EGFLAM: variants seen among roughly 807,000 people sequenced by gnomAD.
EGFLAM encodes the protein pikachurin.
A neutral mutation model predicts 113.1 loss-of-function variants in EGFLAM; 79 were observed. The observed-to-expected ratio is 0.70, with a 90% CI of 0.58 to 0.84. The LOEUF (loss-of-function observed/expected upper bound fraction) is 0.84. Among genes scored for constraint, EGFLAM ranks in the 40% least tolerant of loss-of-function variants. The probability of loss-of-function intolerance (pLI) is 0.00; values close to 1 mark genes in which losing one functional copy is unlikely to be tolerated. For synonymous variants in EGFLAM, 504 were observed against 487.6 expected (o/e 1.03, Z -0.44); for missense variants, 1,265 against 1,291.6 (o/e 0.98, Z 0.32).
chr5:38,421,795 A>T (rs1265780926), intron 12 of EGFLAM, among the ~76,000 whole-genome samples: 1 of 151,960 alleles, frequency 6.6e-6, no homozygotes, highest in Non-Finnish European at 1.5e-5. Flanking sequence ...CAAGAGTAGG[A>T]GTGAAAATGT....
At chr5:38,402,717 T>G (rs1313690170) in intron 6 of EGFLAM, among the ~76,000 whole-genome samples, 1 of 152,214 alleles carries the variant, frequency 6.6e-6, no homozygotes, top group Non-Finnish European at 1.5e-5. Flanking sequence ...TATATCATGT[T>G]AAGCACCCAA....
Position 38,350,453 on chromosome 5 carries a change from A to G in EGFLAM, c.292-48A>G, listed in dbSNP as rs778413978. On this transcript the variant is annotated intron_variant, in intron 3 of 21. Transcript: ENST00000322350. ...CTCATGGAAATTGTACAATTTGCCC[A>G]AACAGATGTACTGATTGTTAGCATC... The G allele has an allele frequency of 1.9e-6, 3 of 1,573,434 alleles. No individual in the cohort carries two copies. The Admixed American group carries it at 5.2e-5, about 27-fold the overall frequency.
intron 3 of EGFLAM, among the ~76,000 whole-genome samples, chr5:38,342,737 T>A (rs1215666207): frequency 6.6e-6 from 1 of 152,216 alleles, no homozygotes; most frequent in African/African-American, 2.4e-5. Context: ...TGGTGGTCTT[T>A]ACACTTTTTG....
intron 1 of EGFLAM, among the ~76,000 whole-genome samples, chr5:38,308,712 T>C (rs1376252860): frequency 2.0e-5 from 3 of 152,126 alleles, no homozygotes; most frequent in Admixed American, 6.5e-5. Flanking sequence ...GGGAAAGAGA[T>C]AGAGGTCAGA....
intron 1 of EGFLAM, among the ~76,000 whole-genome samples, chr5:38,259,150 T>C (rs1186344815): frequency 6.6e-6 from 1 of 152,238 alleles, no homozygotes; most frequent in African/African-American, 2.4e-5. Context: ...TCGTGCTGTC[T>C]CAATTACAGA....
chr5:38,413,993 G>A (rs1037858538), intron 11 of EGFLAM, among the ~76,000 whole-genome samples: 2 of 152,130 alleles, frequency 1.3e-5, no homozygotes, highest in Non-Finnish European at 2.9e-5. Context: ...GAGCTCAGGC[G>A]GAGATGCTCG....
intron 1 of EGFLAM, chr5:38,290,946 G>A (rs998432518): frequency 6.6e-6 from 1 of 152,340 alleles, no homozygotes; most frequent in Non-Finnish European, 1.5e-5. Flanking sequence ...GCCGGGCGTG[G>A]TGGCGGCAGT....
At chr5:38,356,279 A>G (rs1441230327) in intron 5 of EGFLAM, among the ~76,000 whole-genome samples, 1 of 152,196 alleles carries the variant, frequency 6.6e-6, no homozygotes, top group Non-Finnish European at 1.5e-5. Flanking sequence ...CTTCCAGAAT[A>G]TGTGACTTCA....
chr5:38,434,054 T>A (rs1224063303), intron 15 of EGFLAM, among the ~76,000 whole-genome samples: 1 of 152,208 alleles, frequency 6.6e-6, no homozygotes, highest in Non-Finnish European at 1.5e-5. Context: ...CTCTGGCCAA[T>A]GATCTTCCAA....
In EGFLAM at chr5:38,445,911, G is replaced by A. The variant is rs577642094; in HGVS notation, c.2465-2390G>A. Reference sequence around the variant, plus strand: ...GCTGGGGGCGCCCACAGACCCCCTCGGAAGCTCATGTGCAGAGCCGATGTG... The same window carrying A: ...GCTGGGGGCGCCCACAGACCCCCTCAGAAGCTCATGTGCAGAGCCGATGTG... On this transcript the variant is annotated intron_variant, in intron 17 of 21. Coordinates refer to ENST00000322350, the MANE Select transcript of EGFLAM (RefSeq NM_152403.4). Among the ~76,000 whole-genome samples the A allele has an allele frequency of 7.7e-4, 117 of 152,202 alleles. 1 individual carries two copies. The highest frequency in any genetic ancestry group is 5.7e-4 in the Non-Finnish European group (39 of 67,988).
chr5:38,364,433 A>G (rs1427638345), intron 5 of EGFLAM, among the ~76,000 whole-genome samples: 1 of 152,194 alleles, frequency 6.6e-6, no homozygotes, highest in Non-Finnish European at 1.5e-5. Context: ...GCTTAGACTG[A>G]GGAAGCCACT....
chr5:38,390,460 T>C (rs776505296), intron 6 of EGFLAM, among the ~76,000 whole-genome samples: 113 of 152,164 alleles, frequency 7.4e-4, no homozygotes, highest in Admixed American at 1.2e-3. Context: ...CAATGAACAG[T>C]CTTGTGTATG....
intron 5 of EGFLAM, among the ~76,000 whole-genome samples, chr5:38,353,689 C>T (rs1160494986): frequency 3.3e-5 from 5 of 152,214 alleles, no homozygotes; most frequent in Non-Finnish European, 7.3e-5. Context: ...TGCATCAGCT[C>T]CTGTAACTGA....
intron 17 of EGFLAM, among the ~76,000 whole-genome samples, chr5:38,443,503 G>A (rs1449239374): frequency 2.0e-5 from 3 of 152,110 alleles, no homozygotes. Context: ...GAAAGGTTTT[G>A]TTTGTTTTTC....
intron 19 of EGFLAM, among the ~76,000 whole-genome samples, chr5:38,456,358 A>G (rs79876478): frequency 0.081 from 12,363 of 152,088 alleles, 566 homozygotes; most frequent in African/African-American, 0.098. Context: ...CTATCACCCC[A>G]CGCTGCCTCT....
chr5:38,366,935 G>A (rs1207232550), intron 5 of EGFLAM, among the ~76,000 whole-genome samples: 1 of 152,172 alleles, frequency 6.6e-6, no homozygotes, highest in Non-Finnish European at 1.5e-5. Context: ...AAATGAACCA[G>A]TTAGTGAGCC....
intron 1 of EGFLAM, among the ~76,000 whole-genome samples, chr5:38,277,978 A>G (rs936428760): frequency 7.2e-5 from 11 of 152,168 alleles, no homozygotes; most frequent in Admixed American, 2.6e-4. Context: ...AGCAATCTAC[A>G]GATTCATTGC....
intron 17 of EGFLAM, among the ~76,000 whole-genome samples, chr5:38,444,707 G>A (rs1742652529): frequency 6.6e-6 from 1 of 152,194 alleles, no homozygotes; most frequent in South Asian, 2.1e-4. Flanking sequence ...CGCTTTGGGA[G>A]GCCCAGGCAG....
chr5:38,460,501 G>A (rs768295162), intron 20 of EGFLAM, among the ~76,000 whole-genome samples: 1 of 152,218 alleles, frequency 6.6e-6, no homozygotes, highest in African/African-American at 2.4e-5. Context: ...ATAAGGCAGT[G>A]GAATGTTCTA....
Sources: gnomAD v4.1 joint callset for allele counts (sites outside exome capture counted in the v4.1 genomes callset) on GRCh38, gnomAD v4.1.1 for gene constraint, MANE v1.5 for transcripts, NCBI Gene and HGNC (gene_info 2026-07-23, HGNC 2026-07-21) for gene names.